The following ADCY2 variants were observed in gnomAD, a reference collection of about 807,000 sequenced individuals.
ADCY2 encodes the protein adenylate cyclase type 2.
ADCY2 carries 31 observed loss-of-function variants against 125.2 expected under a neutral mutation model. The observed-to-expected ratio is 0.25, with a 90% CI of 0.19 to 0.33. ADCY2 has a LOEUF of 0.33. ADCY2 is among the 10% of genes least tolerant of loss of function. The pLI, the probability that ADCY2 is intolerant of heterozygous loss-of-function variation, is 1.00. For missense variants in ADCY2, 904 were observed against 1,418.2 expected (o/e 0.64, Z 5.82); for synonymous variants, 512 against 548.4 (o/e 0.93, Z 0.93).
intron 3 of ADCY2, among the ~76,000 whole-genome samples, chr5:7,571,391 C>T (rs1736061368): frequency 3.3e-5 from 5 of 152,096 alleles, no homozygotes; most frequent in South Asian, 2.1e-4. Context: ...TCAGCTCAAG[C>T]GAAGGGAGAA....
chr5:7,584,660 G>T (rs958940483), intron 3 of ADCY2, among the ~76,000 whole-genome samples: 8 of 151,928 alleles, frequency 5.3e-5, no homozygotes, highest in Non-Finnish European at 1.2e-4. Flanking sequence ...AATTATGGTG[G>T]GTCACCACCA....
chr5:7,551,242 G>T (rs1374951560), intron 3 of ADCY2, among the ~76,000 whole-genome samples: 1 of 152,072 alleles, frequency 6.6e-6, no homozygotes, highest in East Asian at 1.9e-4. Flanking sequence ...CTTATTTGGG[G>T]TTGGGAGATG....
At position 7,721,745 on chromosome 5, in the gene ADCY2, A is replaced by G. The variant is rs184173785; in HGVS notation, c.1704-2800A>G. ...ATTTCTGAGGGCTCTGTTCTGTTCC[A>G]TTGGTCTATATCTCTGTTTTGGACC... is the stretch of plus-strand genomic sequence containing the variant. On this transcript the variant is annotated intron_variant, in intron 12 of 24. Coordinates refer to ENST00000338316, the MANE Select transcript of ADCY2 (RefSeq NM_020546.3). Among the ~76,000 whole-genome samples, 6 of 152,236 alleles carry G rather than the reference A, an allele frequency of 3.9e-5. 1 individual carries two copies. Among genetic ancestry groups the G allele is most frequent in the Admixed American group, 2.0e-4 (3 of 15,290 alleles).
chr5:7,606,647 A>G (rs1737387960), intron 3 of ADCY2, among the ~76,000 whole-genome samples: 2 of 152,162 alleles, frequency 1.3e-5, no homozygotes, highest in South Asian at 2.1e-4. Flanking sequence ...GCTAAACCAA[A>G]TGCTATCATA....
intron 4 of ADCY2, among the ~76,000 whole-genome samples, chr5:7,684,611 A>G (rs2126718006): frequency 6.6e-6 from 1 of 152,266 alleles, no homozygotes; most frequent in South Asian, 2.1e-4. Context: ...ATCTTTTAAC[A>G]ATGTACTCTC....
chr5:7,695,459 T>G (rs1740858626), intron 5 of ADCY2, among the ~76,000 whole-genome samples: 1 of 152,190 alleles, frequency 6.6e-6, no homozygotes, highest in African/African-American at 2.4e-5. Flanking sequence ...AGTAATCTTT[T>G]ATAAAAAGAG....
At chr5:7,409,387 AAAAAT>A (rs1217809986) in intron 1 of ADCY2, among the ~76,000 whole-genome samples, 9 of 152,356 alleles carry the variant, frequency 5.9e-5, no homozygotes, top group Admixed American at 1.3e-4. Flanking sequence ...CTTAAATGTT[AAAAAT>A]AAAATAAAAT....
chr5:7,650,223 C>T (rs1739041801), intron 4 of ADCY2, among the ~76,000 whole-genome samples: 1 of 149,788 alleles, frequency 6.7e-6, no homozygotes, highest in African/African-American at 2.4e-5. Context: ...CACAGACACA[C>T]ACACACACAC....
intron 2 of ADCY2, among the ~76,000 whole-genome samples, chr5:7,489,814 AGT>A (rs367962359): frequency 3.5e-4 from 53 of 150,722 alleles, no homozygotes; most frequent in African/African-American, 1.0e-3. Flanking sequence ...TTTCTGCTTC[AGT>A]GTGTGTGTGT....
At chr5:7,621,136 A>T (rs1160704916) in intron 3 of ADCY2, among the ~76,000 whole-genome samples, 1 of 152,214 alleles carries the variant, frequency 6.6e-6, no homozygotes, top group Non-Finnish European at 1.5e-5. Flanking sequence ...AAAGACAATG[A>T]CCTGATACCC....
intron 3 of ADCY2, among the ~76,000 whole-genome samples, chr5:7,552,769 G>A (rs866272045): frequency 4.6e-5 from 7 of 152,136 alleles, no homozygotes; most frequent in East Asian, 1.9e-4. Context: ...AGATCTCAGC[G>A]TTTGTAAAAA....
intron 3 of ADCY2, among the ~76,000 whole-genome samples, chr5:7,547,845 C>T (rs977271218): frequency 6.6e-6 from 1 of 152,212 alleles, no homozygotes; most frequent in African/African-American, 2.4e-5. Flanking sequence ...CTATGCAAGT[C>T]GTCCGTCCTG....
chr5:7,674,900 A>T (rs1010059231), intron 4 of ADCY2, among the ~76,000 whole-genome samples: 2 of 152,206 alleles, frequency 1.3e-5, no homozygotes, highest in African/African-American at 4.8e-5. Context: ...TCACGCCTGT[A>T]ATCCCAGCAC....
chr5:7,546,506 CG>C (rs1320785249), intron 3 of ADCY2, among the ~76,000 whole-genome samples: 1 of 152,124 alleles, frequency 6.6e-6, no homozygotes, highest in Non-Finnish European at 1.5e-5. Flanking sequence ...GAGCTGGATT[CG>C]GGGGCAGGCA....
chr5:7,592,014 A>G (rs575697316), intron 3 of ADCY2, among the ~76,000 whole-genome samples: 25 of 152,286 alleles, frequency 1.6e-4, no homozygotes, highest in African/African-American at 6.0e-4. Context: ...TACTTTTAAT[A>G]TGTGTCACAA....
chr5:7,642,196 A>G (rs985904723), intron 4 of ADCY2, among the ~76,000 whole-genome samples: 4 of 151,904 alleles, frequency 2.6e-5, no homozygotes, highest in African/African-American at 9.7e-5. Flanking sequence ...TGTTTTTTTG[A>G]CTGTTTTAAT....
chr5:7,629,976 T>G (rs1354846638), intron 4 of ADCY2, among the ~76,000 whole-genome samples: 1 of 152,250 alleles, frequency 6.6e-6, no homozygotes, highest in Non-Finnish European at 1.5e-5. Context: ...ATATATTGTC[T>G]TTGTTTTAGA....
intron 17 of ADCY2, among the ~76,000 whole-genome samples, chr5:7,772,076 T>G (rs1743572991): frequency 6.6e-6 from 1 of 152,178 alleles, no homozygotes; most frequent in Non-Finnish European, 1.5e-5. Context: ...TCTGTTGTTT[T>G]CAATGACCTA....
chr5:7,502,529 G>A (rs1743633552), intron 2 of ADCY2, among the ~76,000 whole-genome samples: 1 of 152,192 alleles, frequency 6.6e-6, no homozygotes, highest in Non-Finnish European at 1.5e-5. Flanking sequence ...CTGTGCTTCC[G>A]GGCTGATCTC....
Sources: gnomAD v4.1 joint callset for allele counts (sites outside exome capture counted in the v4.1 genomes callset) on GRCh38, gnomAD v4.1.1 for gene constraint, MANE v1.5 for transcripts, NCBI Gene and HGNC (gene_info 2026-07-23, HGNC 2026-07-21) for gene names.